DNAH14: variants seen among roughly 807,000 people sequenced by gnomAD.
The protein encoded by DNAH14 is axonemal beta dynein heavy chain 14.
DNAH14 carries 478 observed loss-of-function variants against 520.9 expected under a neutral mutation model. That is an observed-to-expected ratio of 0.92 (90% CI 0.85 to 0.99). The LOEUF (loss-of-function observed/expected upper bound fraction) is 0.99, where lower values mean the gene tolerates loss of function less well. Among genes scored for constraint, DNAH14 ranks in the 50% least tolerant of loss-of-function variants. The pLI is 0.00. For synonymous variants in DNAH14, 1,581 were observed against 1,757.2 expected, an observed-to-expected ratio of 0.90 and a Z score of 2.51; for missense variants, 4,831 against 5,234.5, an observed-to-expected ratio of 0.92 and a Z score of 2.38.
At chr1:224,991,084 C>CCTTTTTTTTTTTTTTTTTTTTTTTTT (rs1558617220) in intron 8 of DNAH14, among the ~76,000 whole-genome samples, 1 of 77,900 alleles carries the variant, frequency 1.3e-5, no homozygotes, top group Non-Finnish European at 2.8e-5. Flanking sequence ...TGATGTTGAG[C>CCTTTTTTTTTTTTTTTTTTTTTTTTT]TTTTTTTTTT....
At chr1:224,952,626 G>A in intron 1 of DNAH14, 44 bp from the exon 2 acceptor site, 1 of 1,090,420 alleles carries the variant, frequency 9.2e-7, no homozygotes, top group East Asian at 2.8e-5. Flanking sequence ...ATAGCTGTCA[G>A]ATTGTATTGT....
chr1:225,155,754 C>T (rs1334022953), intron 34 of DNAH14, among the ~76,000 whole-genome samples: 1 of 152,130 alleles, frequency 6.6e-6, no homozygotes, highest in African/African-American at 2.4e-5. Context: ...GAAAGCAGCT[C>T]CCTTCTCTCT....
Position 225,023,743 on chromosome 1 carries a change from C to G in DNAH14, c.1236C>G (p.Asp412Glu). The G allele has an allele frequency of 1.9e-6, 3 of 1,550,772 alleles. No homozygotes were observed. The highest frequency in any genetic ancestry group is 2.6e-6 in the Non-Finnish European group (3 of 1,146,516). Residue 412 changes from aspartate (D) to glutamate (E), a missense_variant, in exon 11 of 86, where the codon GAC (aspartate) becomes GAG (glutamate). By Grantham distance (45) the Asp-to-Glu change is conservative. Coordinates refer to ENST00000682510, the MANE Select transcript of DNAH14 (RefSeq NM_001367479.1). ...ETFFKFVMLV[D>E]YIFQELIRQL... ...TTTTCAAGTTTGTAATGCTGGTTGA[C>G]TACATATTTCAGGAACTCATTCGTC...
At chr1:225,059,383 A>T (rs955957350) in intron 17 of DNAH14, among the ~76,000 whole-genome samples, 12 of 152,018 alleles carry the variant, frequency 7.9e-5, no homozygotes, top group Admixed American at 6.5e-4. Flanking sequence ...TGCTTGGTAG[A>T]TCTTCCTCCA....
rs1189655963 is a variant in DNAH14, at chr1:225,020,189, C to T, written c.1108-3426C>T. Among the ~76,000 whole-genome samples, 3 of 150,678 alleles carry T rather than the reference C, an allele frequency of 2.0e-5. No homozygotes were observed. In the Admixed American group the frequency reaches 2.0e-4, roughly 10 times the overall value. Reference sequence around the variant, plus strand: ...TGACAAAGGTGGCATCATAACTGACCCCAGAGAAATACAAAAAAAAATCTC... The same window carrying T: ...TGACAAAGGTGGCATCATAACTGACTCCAGAGAAATACAAAAAAAAATCTC... On this transcript the variant is annotated intron_variant, in intron 10 of 85. Coordinates refer to ENST00000682510, the MANE Select transcript of DNAH14 (RefSeq NM_001367479.1).
intron 11 of DNAH14, among the ~76,000 whole-genome samples, chr1:225,037,816 G>A (rs909857556): frequency 6.6e-6 from 1 of 152,120 alleles, no homozygotes; most frequent in South Asian, 2.1e-4. Context: ...CCGAGTAGCT[G>A]AGATTACAGG....
intron 8 of DNAH14, among the ~76,000 whole-genome samples, chr1:224,990,440 G>A (rs2449262): frequency 0.096 from 14,573 of 152,086 alleles, 2,253 homozygotes; most frequent in African/African-American, 0.33. Flanking sequence ...CTGAGGCTTT[G>A]TATCTTTTGA....
At chr1:225,007,342 C>T (rs2064256305) in intron 9 of DNAH14, 71 bp from the exon 10 acceptor site, 1 of 1,281,854 alleles carries the variant, frequency 7.8e-7, no homozygotes, top group Admixed American at 3.3e-5. Flanking sequence ...CCTGAAAAGA[C>T]CAAATATTTT....
At chr1:225,169,474 A>G (rs886593430) in intron 36 of DNAH14, among the ~76,000 whole-genome samples, 2 of 152,210 alleles carry the variant, frequency 1.3e-5, no homozygotes, top group African/African-American at 4.8e-5. Flanking sequence ...GCTGAAAACC[A>G]CGGCACGAGA....
rs140007042 is a variant in DNAH14 at position 225,246,105 on chromosome 1, C to CAAA, written c.6748+5300_6748+5302dup. On this transcript the variant is annotated intron_variant, in intron 43 of 85. Transcript: ENST00000682510. The stretch of plus-strand genomic sequence containing the variant: ...ACCATCTGATCTTCGACAAACCTGG[C>CAAA]AAAAAAAAAAAAAAAAAAAGGATAA... Among the ~76,000 whole-genome samples the CAAA allele has an allele frequency of 5.3e-3, 408 of 77,654 alleles. 7 individuals are homozygous for CAAA. Among genetic ancestry groups the CAAA allele is most frequent in the African/African-American group, 0.017 (349 of 20,956 alleles). 50.9% of individuals were successfully genotyped at this position (77,654 alleles called of 152,430 possible).
chr1:224,973,690 T>TA (rs1433269149), intron 7 of DNAH14, among the ~76,000 whole-genome samples: 1 of 152,244 alleles, frequency 6.6e-6, no homozygotes, highest in African/African-American at 2.4e-5. Context: ...ATTTTTTACT[T>TA]ACCACTATAC....
chr1:225,257,638 C>G (rs932035648), intron 44 of DNAH14, among the ~76,000 whole-genome samples: 1 of 151,520 alleles, frequency 6.6e-6, no homozygotes, highest in Non-Finnish European at 1.5e-5. Context: ...TGGGTTCAGG[C>G]CATTCTTCTG....
chr1:225,189,044 C>T (rs2085085400), intron 37 of DNAH14, among the ~76,000 whole-genome samples: 2 of 151,708 alleles, frequency 1.3e-5, no homozygotes. Context: ...GTTTTCTGAG[C>T]GTTTTTTACC....
At chr1:225,001,778 A>G (rs975397290) in intron 8 of DNAH14, among the ~76,000 whole-genome samples, 3 of 152,092 alleles carry the variant, frequency 2.0e-5, no homozygotes, top group East Asian at 1.9e-4. Context: ...GCTTTTTGTG[A>G]TATTTTACTT....
chr1:225,382,102 C>T (rs1485551762), intron 81 of DNAH14, among the ~76,000 whole-genome samples: 2 of 152,178 alleles, frequency 1.3e-5, no homozygotes, highest in African/African-American at 4.8e-5. Context: ...CTGGCCTTTT[C>T]CAGAACCCTG....
chr1:224,958,979 G>A (rs1360496615), intron 3 of DNAH14, among the ~76,000 whole-genome samples: 1 of 152,032 alleles, frequency 6.6e-6, no homozygotes, highest in Non-Finnish European at 1.5e-5. Flanking sequence ...TGATTTGGAA[G>A]TGGTGAATGG....
intron 74 of DNAH14, among the ~76,000 whole-genome samples, chr1:225,359,965 C>T (rs958849842): frequency 9.2e-5 from 14 of 152,186 alleles, no homozygotes; most frequent in African/African-American, 2.7e-4. Context: ...TATTAAGCCC[C>T]ACATGCGTTA....
intron 52 of DNAH14, among the ~76,000 whole-genome samples, chr1:225,274,984 T>C (rs896469507): frequency 1.3e-5 from 2 of 152,238 alleles, no homozygotes; most frequent in African/African-American, 4.8e-5. Context: ...TTAATCTTAA[T>C]TCATAACACC....
Position 225,232,351 on chromosome 1 carries a change from GTTA to G in DNAH14, c.6518+1204_6518+1206del, listed in dbSNP as rs2091214852. Among the ~76,000 whole-genome samples, 1 of 151,242 alleles carries G rather than the reference GTTA, an allele frequency of 6.6e-6. No individual in the cohort carries two copies. The highest frequency in any genetic ancestry group is 1.5e-5 in the Non-Finnish European group (1 of 67,884). On this transcript the variant is annotated intron_variant, in intron 42 of 85. Coordinates refer to ENST00000682510, the MANE Select transcript of DNAH14 (RefSeq NM_001367479.1). This position sits in a 1 kb window ranked among gnomAD's most constrained non-coding sequence, Gnocchi z 4.2. Reference sequence around the variant, plus strand: ...GGTAAACATTTAGATTTTCAATTTTGTTATTAACAATAGTAATATGATTAATGT... The same window carrying G: ...GGTAAACATTTAGATTTTCAATTTTGTTAACAATAGTAATATGATTAATGT...
Sources: allele counts gnomAD v4.1 joint callset (sites outside exome capture counted in the v4.1 genomes callset), GRCh38; gene constraint gnomAD v4.1.1; non-coding constraint Gnocchi (gnomAD v3.1); transcripts MANE v1.5; gene names NCBI Gene and HGNC (gene_info 2026-07-23, HGNC 2026-07-21).